The following CTNNA3 variants were observed in gnomAD, a reference collection of about 807,000 sequenced individuals.
CTNNA3 encodes the protein catenin alpha 3, also known as catenin alpha-3.
In CTNNA3, 76 loss-of-function variants were observed where a neutral mutation model predicts 95.7. The observed-to-expected ratio is 0.79, with a 90% CI of 0.66 to 0.96. CTNNA3 has a LOEUF of 0.96. CTNNA3 is among the 40% of genes least tolerant of loss of function. CTNNA3 has a pLI of 0.00. For missense variants in CTNNA3, 1,191 were observed against 1,089.8 expected (o/e 1.09, Z -1.31); for synonymous variants, 431 against 374.4 (o/e 1.15, Z -1.74).
intron 11 of CTNNA3, among the ~76,000 whole-genome samples, chr10:66,511,701 T>C (rs1457120347): frequency 1.3e-5 from 2 of 151,980 alleles, no homozygotes; most frequent in African/African-American, 4.8e-5. Flanking sequence ...TGATTTCTAA[T>C]TATAATCCAC....
intron 5 of CTNNA3, among the ~76,000 whole-genome samples, chr10:67,303,079 T>C (rs1840392810): frequency 6.6e-6 from 1 of 152,148 alleles, no homozygotes; most frequent in Non-Finnish European, 1.5e-5. Flanking sequence ...AATAAACTCA[T>C]CCAGGTGATT....
intron 1 of CTNNA3, among the ~76,000 whole-genome samples, chr10:67,693,207 T>C (rs919751635): frequency 2.0e-5 from 3 of 152,200 alleles, no homozygotes; most frequent in African/African-American, 7.2e-5. Flanking sequence ...ATCAGATGTA[T>C]CGGCTAACAG....
chr10:66,622,902 T>C (rs1215457766), intron 9 of CTNNA3, among the ~76,000 whole-genome samples: 2 of 152,152 alleles, frequency 1.3e-5, no homozygotes, highest in Non-Finnish European at 2.9e-5. Context: ...AATATGCCAA[T>C]AGTGAAATAA....
intron 17 of CTNNA3, among the ~76,000 whole-genome samples, chr10:65,933,616 C>T (rs182579961): frequency 5.3e-5 from 8 of 152,236 alleles, no homozygotes; most frequent in Admixed American, 1.3e-4. Context: ...GATTAATTGC[C>T]TTTAAGATCT....
chr10:66,383,754 GA>G (rs1479187510), intron 11 of CTNNA3, among the ~76,000 whole-genome samples: 1 of 152,186 alleles, frequency 6.6e-6, no homozygotes, highest in Admixed American at 6.5e-5. Context: ...TCTCTTGGCA[GA>G]AACCCTACAA....
chr10:67,302,831 G>A (rs918554834), intron 5 of CTNNA3, among the ~76,000 whole-genome samples: 21 of 152,202 alleles, frequency 1.4e-4, no homozygotes, highest in African/African-American at 5.1e-4. Context: ...ACTAGGCAGG[G>A]TGCCAGCATT....
chr10:66,351,680 T>G (rs1282926066), intron 12 of CTNNA3, among the ~76,000 whole-genome samples: 1 of 152,020 alleles, frequency 6.6e-6, no homozygotes, highest in Non-Finnish European at 1.5e-5. Flanking sequence ...AAATTTGCAC[T>G]ATCATGTTTA....
At chr10:66,860,316 G>A (rs141125493) in intron 7 of CTNNA3, among the ~76,000 whole-genome samples, 39 of 152,104 alleles carry the variant, frequency 2.6e-4, no homozygotes, top group African/African-American at 8.2e-4. Context: ...ATCTAATAGC[G>A]AAGAAGAAAA....
rs182878652 is a variant in CTNNA3 at position 66,231,492 on chromosome 10, A to T, written c.1884+48978T>A. 1.8e-4 allele frequency among the ~76,000 whole-genome samples: 27 copies of T among 152,246 alleles called. No individual in the cohort carries two copies. The East Asian group carries it at 5.2e-3, about 29-fold the overall frequency. On this transcript the variant is annotated intron_variant, in intron 13 of 17. Coordinates refer to ENST00000433211, the MANE Select transcript of CTNNA3 (RefSeq NM_013266.4). Reference sequence around the variant, plus strand: ...CATGGGGAAGGGGGAATCCTTCCAGAATATGGAGGTTTAAGATTGTAACCT... The same window carrying T: ...CATGGGGAAGGGGGAATCCTTCCAGTATATGGAGGTTTAAGATTGTAACCT...
At chr10:67,165,337 G>A (rs557616920) in intron 7 of CTNNA3, among the ~76,000 whole-genome samples, 55 of 152,232 alleles carry the variant, frequency 3.6e-4, no homozygotes, top group African/African-American at 1.2e-3. Context: ...TGCATTTGCC[G>A]AGGGTTAGGC....
At chr10:67,636,240 G>A (rs944247140) in intron 2 of CTNNA3, among the ~76,000 whole-genome samples, 2 of 152,120 alleles carry the variant, frequency 1.3e-5, no homozygotes, top group South Asian at 4.1e-4. Flanking sequence ...TGGCCATACT[G>A]CCCAAAGCAA....
At chr10:67,558,181 G>A (rs930599633) in intron 3 of CTNNA3, among the ~76,000 whole-genome samples, 1 of 152,120 alleles carries the variant, frequency 6.6e-6, no homozygotes, top group African/African-American at 2.4e-5. Flanking sequence ...CATAGTCCCA[G>A]ATGCAAGAAG....
rs1337430560 is a variant in CTNNA3 at position 66,309,903 on chromosome 10, CAAAAAATAAATAAATAAATA to C, written c.1733-29302_1733-29283del. On this transcript the variant is annotated intron_variant, in intron 12 of 17. Coordinates refer to ENST00000433211, the MANE Select transcript of CTNNA3 (RefSeq NM_013266.4). ...TGAAACCCCGTCTCTACCAAAGATA[CAAAAAATAAATAAATAAATA>C]AATAAATAAATAAATAAATAAATAA... Among the ~76,000 whole-genome samples the C allele has an allele frequency of 5.5e-3, 663 of 120,664 alleles. 7 individuals are homozygous for C. Among genetic ancestry groups the C allele is most frequent in the African/African-American group, 0.019 (634 of 32,834 alleles). The allele number at this position is 120,664 out of a possible 152,430, so 79.2% of individuals were successfully genotyped here. A position where few individuals can be genotyped will look rare whatever the true frequency, so the allele number is the denominator to read the frequency against.
At chr10:66,384,616 A>G (rs1050381144) in intron 11 of CTNNA3, among the ~76,000 whole-genome samples, 1 of 152,204 alleles carries the variant, frequency 6.6e-6, no homozygotes, top group Admixed American at 6.5e-5. Context: ...AGAACTCTCC[A>G]TCCCAAATCA....
chr10:66,629,669 A>C (rs1319597577), intron 9 of CTNNA3, among the ~76,000 whole-genome samples: 1 of 151,836 alleles, frequency 6.6e-6, no homozygotes, highest in Non-Finnish European at 1.5e-5. Flanking sequence ...CCCCATCCCT[A>C]CTACGTCTTG....
At chr10:67,586,212 T>A (rs917937135) in intron 3 of CTNNA3, among the ~76,000 whole-genome samples, 4 of 152,088 alleles carry the variant, frequency 2.6e-5, no homozygotes, top group African/African-American at 7.3e-5. Context: ...CAATTTTTTT[T>A]AATTTGTTGT....
intron 10 of CTNNA3, among the ~76,000 whole-genome samples, chr10:66,597,211 G>C (rs1473145058): frequency 6.6e-6 from 1 of 151,698 alleles, no homozygotes; most frequent in African/African-American, 2.4e-5. Context: ...CTGCATTATG[G>C]GAGCCCTATA....
intron 7 of CTNNA3, among the ~76,000 whole-genome samples, chr10:66,787,832 T>C (rs1011941235): frequency 6.6e-6 from 1 of 152,238 alleles, no homozygotes; most frequent in Non-Finnish European, 1.5e-5. Flanking sequence ...CTACAATCAA[T>C]GTGCAGAGAT....
intron 15 of CTNNA3, among the ~76,000 whole-genome samples, chr10:66,021,931 GTAGCCT>G (rs1483974552): frequency 1.5e-5 from 2 of 137,690 alleles, no homozygotes; most frequent in Non-Finnish European, 3.0e-5. Flanking sequence ...GCAGCTCATT[GTAGCCT>G]TGACTTCCCA....
Sources: gnomAD v4.1 joint callset for allele counts (sites outside exome capture counted in the v4.1 genomes callset) on GRCh38, gnomAD v4.1.1 for gene constraint, MANE v1.5 for transcripts, NCBI Gene and HGNC (gene_info 2026-07-23, HGNC 2026-07-21) for gene names.